UTRN: variants seen among roughly 807,000 people sequenced by gnomAD.
UTRN encodes the protein utrophin.
UTRN carries 283 observed loss-of-function variants against 463.9 expected under a neutral mutation model. The observed-to-expected ratio is 0.61, with a 90% CI of 0.55 to 0.67. The LOEUF is 0.67. Among genes scored for constraint, UTRN ranks in the 30% least tolerant of loss-of-function variants. The pLI is 0.00. For missense variants in UTRN, 3,922 were observed against 4,084.3 expected, an observed-to-expected ratio of 0.96 and a Z score of 1.08; for synonymous variants, 1,442 against 1,431.5, an observed-to-expected ratio of 1.01 and a Z score of -0.17.
chr6:144,824,580 A>G (rs1586728728), intron 66 of UTRN, among the ~76,000 whole-genome samples: 1 of 27,214 alleles, frequency 3.7e-5, no homozygotes, highest in Non-Finnish European at 6.1e-5. Flanking sequence ...ATTTATATAT[A>G]TATATATATA....
chr6:144,841,571 T>C (rs1171333148), intron 73 of UTRN, among the ~76,000 whole-genome samples: 2 of 152,170 alleles, frequency 1.3e-5, no homozygotes, highest in Non-Finnish European at 2.9e-5. Context: ...GCAGAATATA[T>C]ACATACAAGT....
chr6:144,488,907 AC>A, intron 30 of UTRN, 73 bp downstream of exon 30: 1 of 1,359,424 alleles, frequency 7.4e-7, no homozygotes, highest in Non-Finnish European at 9.7e-7. Context: ...CTATAAGAGA[AC>A]CCCTCCTGCT....
chr6:144,620,147 T>C (rs1775199266), intron 51 of UTRN, among the ~76,000 whole-genome samples: 1 of 152,186 alleles, frequency 6.6e-6, no homozygotes, highest in Admixed American at 6.5e-5. Context: ...AGTTAGCTTG[T>C]AAATTTAATG....
chr6:144,834,634 A>T (rs937679577), intron 69 of UTRN, among the ~76,000 whole-genome samples: 1 of 152,206 alleles, frequency 6.6e-6, no homozygotes, highest in African/African-American at 2.4e-5. Context: ...GTTACTCATC[A>T]GCTCAAGGGC....
rs374489912 is a variant in UTRN at position 144,353,016 on chromosome 6, C to T, written c.80-50107C>T. On this transcript the variant is annotated intron_variant, in intron 2 of 74. Transcript: ENST00000367545. ...AGAGTGTAATGGCATGAGCTAGGTT[C>T]ACTGTAGCCTCGATCTCCGGGGGTC... 1.2e-4 allele frequency among the ~76,000 whole-genome samples: 18 copies of T among 152,178 alleles called. No homozygotes were observed. The South Asian group carries it at 3.5e-3, about 30-fold the overall frequency.
intron 48 of UTRN, among the ~76,000 whole-genome samples, chr6:144,553,362 A>G (rs1413661988): frequency 6.6e-6 from 1 of 152,112 alleles, no homozygotes; most frequent in Non-Finnish European, 1.5e-5. Context: ...ATGTTTCACT[A>G]TAACCATATA....
intron 2 of UTRN, among the ~76,000 whole-genome samples, chr6:144,302,683 A>T (rs1444734358): frequency 6.6e-6 from 1 of 152,174 alleles, no homozygotes; most frequent in African/African-American, 2.4e-5. Flanking sequence ...GGAAAGAAAG[A>T]CATCAATAAA....
At chr6:144,435,537 G>T (rs948902783) in intron 9 of UTRN, among the ~76,000 whole-genome samples, 4 of 152,166 alleles carry the variant, frequency 2.6e-5, no homozygotes, top group African/African-American at 9.7e-5. Context: ...TACAGAAAAG[G>T]CCTAACACGT....
intron 34 of UTRN, among the ~76,000 whole-genome samples, 187 bp from the exon 35 acceptor site, chr6:144,510,757 T>C (rs193225225): frequency 2.6e-5 from 4 of 152,348 alleles, no homozygotes; most frequent in Admixed American, 2.6e-4. Flanking sequence ...TGTTTTCCAT[T>C]TGGAACTTAA....
At chr6:144,732,237 T>C (rs867891767) in intron 54 of UTRN, among the ~76,000 whole-genome samples, 13,710 of 87,298 alleles carry the variant, frequency 0.16, 1,708 homozygotes, top group African/African-American at 0.37. Context: ...TATATATATA[T>C]ACATATATAT....
chr6:144,548,300 T>TA (rs908003650), intron 46 of UTRN, among the ~76,000 whole-genome samples: 4 of 152,116 alleles, frequency 2.6e-5, no homozygotes, highest in African/African-American at 9.7e-5. Context: ...ATGAAAAAAA[T>TA]AAAAAATTAT....
chr6:144,622,361 A>G (rs930658203), intron 51 of UTRN, among the ~76,000 whole-genome samples: 2 of 151,360 alleles, frequency 1.3e-5, no homozygotes, highest in Non-Finnish European at 2.9e-5. Flanking sequence ...TAATTTTTGT[A>G]TTTTTATTAG....
In UTRN at chr6:144,732,275, T is replaced by C. The variant is rs112091695; in HGVS notation, c.7939+1789T>C. On this transcript the variant is annotated intron_variant, in intron 54 of 74. Transcript: ENST00000367545. ...ATATATATACACACATATATATATATATACACACATATATATATATACACA... is the reference window on the plus strand; with the variant it reads ...ATATATATACACACATATATATATACATACACACATATATATATATACACA... Among the ~76,000 whole-genome samples the C allele has an allele frequency of 3.6e-3, 304 of 85,598 alleles. 7 individuals carry two copies. The highest frequency in any genetic ancestry group is 0.015 in the African/African-American group (219 of 14,376). The allele number at this position is 85,598 out of a possible 152,430, so 56.2% of individuals were successfully genotyped here.
At chr6:144,625,435 T>A (rs989747314) in intron 51 of UTRN, among the ~76,000 whole-genome samples, 1 of 152,230 alleles carries the variant, frequency 6.6e-6, no homozygotes, top group Non-Finnish European at 1.5e-5. Context: ...ATCTGCATAT[T>A]TGATTCCTTA....
Position 144,510,993 on chromosome 6 carries a change from C to T in UTRN, c.4814C>T (p.Thr1605Ile). 6.2e-7 allele frequency: 1 copy of T among 1,610,874 alleles called. No homozygotes were observed. The highest frequency in any genetic ancestry group is 8.5e-7 in the Non-Finnish European group (1 of 1,178,022). ...AGAAAAGCTGATTTAAATACCATCACAGAGAGTAGTGCTGCCCTGCAAAAC... is the reference window on the plus strand; with the variant it reads ...AGAAAAGCTGATTTAAATACCATCATAGAGAGTAGTGCTGCCCTGCAAAAC... ...EKRKADLNTI[T>I]ESSAALQNLI... Residue 1605 changes from threonine to isoleucine, a missense_variant, in exon 35 of 75, where the codon ACA becomes ATA. Thr to Ile is a moderately conservative substitution (Grantham distance 89). Transcript: ENST00000367545.
chr6:144,834,698 C>T (rs1780957752), intron 69 of UTRN, among the ~76,000 whole-genome samples: 1 of 152,214 alleles, frequency 6.6e-6, no homozygotes, highest in Non-Finnish European at 1.5e-5. Flanking sequence ...ACTGCCAGCA[C>T]CACACACCAG....
chr6:144,598,510 C>A (rs1803889038), intron 51 of UTRN, among the ~76,000 whole-genome samples: 1 of 152,104 alleles, frequency 6.6e-6, no homozygotes, highest in Non-Finnish European at 1.5e-5. Flanking sequence ...ACGTACCAGA[C>A]TCTTAATTAA....
intron 73 of UTRN, 35 bp from the exon 74 acceptor site, chr6:144,846,769 CT>C (rs1782051760): frequency 1.2e-6 from 2 of 1,613,794 alleles, no homozygotes; most frequent in South Asian, 2.2e-5. Flanking sequence ...AGTAACAGGA[CT>C]GCCATTAAGT....
intron 3 of UTRN, among the ~76,000 whole-genome samples, chr6:144,407,778 G>A (rs1012134633): frequency 6.6e-6 from 1 of 152,226 alleles, no homozygotes; most frequent in Admixed American, 6.5e-5. Context: ...TATTCTTTTT[G>A]CTGCAAATCC....
Sources: gnomAD v4.1 joint callset for allele counts (sites outside exome capture counted in the v4.1 genomes callset) on GRCh38, gnomAD v4.1.1 for gene constraint, MANE v1.5 for transcripts, NCBI Gene and HGNC (gene_info 2026-07-23, HGNC 2026-07-21) for gene names.